PCBP3: variants seen among roughly 807,000 people sequenced by gnomAD.
PCBP3 encodes poly(rC) binding protein 3, also known as poly(rC)-binding protein 3.
Under a neutral mutation model 52.7 loss-of-function variants are expected in PCBP3, and 25 were observed. The observed-to-expected ratio is 0.47, with a 90% CI of 0.35 to 0.66. The LOEUF is 0.66. PCBP3 is among the 30% of genes least tolerant of loss of function. The probability of loss-of-function intolerance (pLI) is 0.01; values close to 1 mark genes in which losing one functional copy is unlikely to be tolerated. For synonymous variants in PCBP3, 162 were observed against 183.0 expected, an observed-to-expected ratio of 0.89 and a Z score of 0.93; for missense variants, 391 against 490.3, an observed-to-expected ratio of 0.80 and a Z score of 1.91.
Position 45,699,226 on chromosome 21 carries a change from G to A in PCBP3, c.-200+30274G>A, listed in dbSNP as rs79968263. On this transcript the variant is annotated intron_variant, in intron 2 of 17. Coordinates refer to ENST00000681687, the MANE Select transcript of PCBP3 (RefSeq NM_001384156.1). ...AGTCCCCAGCGAGGCATGGCCTAGG[G>A]CTCTCCCAAGTGACCTAGAAGCTAA... Among the ~76,000 whole-genome samples the A allele has an allele frequency of 3.2e-3, 490 of 152,276 alleles. 1 individual carries two copies. Among genetic ancestry groups the A allele is most frequent in the Non-Finnish European group, 5.4e-3 (367 of 68,018 alleles).
At chr21:45,887,660 A>G (rs1230377164) in intron 5 of PCBP3, among the ~76,000 whole-genome samples, 6 of 152,242 alleles carry the variant, frequency 3.9e-5, no homozygotes, top group Admixed American at 3.9e-4. Context: ...CAGCGTCGCC[A>G]TTCCGGGCAC....
chr21:45,674,825 C>A (rs1053159484), intron 2 of PCBP3, among the ~76,000 whole-genome samples: 3 of 152,104 alleles, frequency 2.0e-5, no homozygotes, highest in Admixed American at 6.5e-5. Flanking sequence ...GGTCTGTGAC[C>A]CATGCTGGGA....
At chr21:45,845,194 A>G (rs1175746978) in intron 4 of PCBP3, among the ~76,000 whole-genome samples, 1 of 152,202 alleles carries the variant, frequency 6.6e-6, no homozygotes, top group East Asian at 1.9e-4. Context: ...CCACCAGATG[A>G]TCTCTTACCA....
At chr21:45,835,400 A>G (rs1181727189) in intron 4 of PCBP3, among the ~76,000 whole-genome samples, 1 of 152,114 alleles carries the variant, frequency 6.6e-6, no homozygotes, top group East Asian at 1.9e-4. Flanking sequence ...CAGCAAAGCC[A>G]AGTGGCCGTA....
intron 15 of PCBP3, among the ~76,000 whole-genome samples, chr21:45,932,174 A>T: frequency 8.2e-6 from 1 of 122,296 alleles, no homozygotes; most frequent in South Asian, 2.8e-4. Flanking sequence ...TGAACACATC[A>T]GCCATGCCGT....
At chr21:45,655,491 G>A (rs1366365528) in intron 1 of PCBP3, among the ~76,000 whole-genome samples, 1 of 152,052 alleles carries the variant, frequency 6.6e-6, no homozygotes, top group African/African-American at 2.4e-5. Flanking sequence ...AGATATTGTG[G>A]TATAAATTAG....
chr21:45,820,817 G>C (rs1396430520), intron 4 of PCBP3, among the ~76,000 whole-genome samples: 1 of 152,122 alleles, frequency 6.6e-6, no homozygotes, highest in Non-Finnish European at 1.5e-5. Flanking sequence ...GGTGGGAGGC[G>C]CTTTTTCATC....
At chr21:45,875,408 C>CTGCT (rs1281780574) in intron 5 of PCBP3, among the ~76,000 whole-genome samples, 2 of 152,244 alleles carry the variant, frequency 1.3e-5, no homozygotes, top group African/African-American at 4.8e-5. Context: ...ACTCGCCTTG[C>CTGCT]TGCTGCTTTT....
chr21:45,689,058 G>A (rs1005190945), intron 2 of PCBP3, among the ~76,000 whole-genome samples: 5 of 151,702 alleles, frequency 3.3e-5, no homozygotes, highest in African/African-American at 4.8e-5. Context: ...ATGGATGAGG[G>A]AATACTGCCG....
At position 45,817,440 on chromosome 21, in the gene PCBP3, C is replaced by A. The variant is rs527627667; in HGVS notation, c.-125-32521C>A. On this transcript the variant is annotated intron_variant, in intron 4 of 17. Coordinates refer to ENST00000681687, the MANE Select transcript of PCBP3 (RefSeq NM_001384156.1). The surrounding 1 kb of genome is among the most constrained non-coding windows in gnomAD (Gnocchi z 4.3). ...TTGCGTGCACAGCATAGTATTTGGC[C>A]AACATCTTCCTGCAGTTTGGGGGCC... is the stretch of plus-strand genomic sequence containing the variant. Among the ~76,000 whole-genome samples the A allele has an allele frequency of 3.7e-4, 57 of 152,202 alleles. No individual in the cohort carries two copies. The highest frequency in any genetic ancestry group is 7.5e-4 in the Non-Finnish European group (51 of 68,036).
chr21:45,655,585 A>G (rs755528556), intron 1 of PCBP3, among the ~76,000 whole-genome samples: 2 of 152,122 alleles, frequency 1.3e-5, no homozygotes, highest in Admixed American at 6.5e-5. Flanking sequence ...AGAAATGGCT[A>G]TTTAAATCCT....
chr21:45,865,160 T>C (rs984597971), intron 5 of PCBP3, among the ~76,000 whole-genome samples: 10 of 152,242 alleles, frequency 6.6e-5, no homozygotes, highest in African/African-American at 2.2e-4. Flanking sequence ...GTCCCACTTA[T>C]TTTGATGCAG....
intron 4 of PCBP3, among the ~76,000 whole-genome samples, chr21:45,786,581 G>A (rs1039361583): frequency 6.6e-6 from 1 of 152,100 alleles, no homozygotes; most frequent in Non-Finnish European, 1.5e-5. Context: ...GTGAGGCACC[G>A]CGCCTGGTCT....
chr21:45,882,149 C>T (rs749011013), intron 5 of PCBP3, among the ~76,000 whole-genome samples: 2 of 152,210 alleles, frequency 1.3e-5, no homozygotes, highest in Non-Finnish European at 2.9e-5. Context: ...CCCATCAGCA[C>T]TGTACAAGGG....
At chr21:45,692,396 TAAAAA>T (rs148364663) in intron 2 of PCBP3, among the ~76,000 whole-genome samples, 1 of 128,612 alleles carries the variant, frequency 7.8e-6, no homozygotes, top group African/African-American at 2.9e-5. Context: ...ATGATCAAGA[TAAAAA>T]AAAAAAGAAG....
At chr21:45,792,847 C>A (rs574882569) in intron 4 of PCBP3, among the ~76,000 whole-genome samples, 1 of 152,292 alleles carries the variant, frequency 6.6e-6, no homozygotes, top group East Asian at 1.9e-4. Context: ...CCCCTCAAAC[C>A]CCCCGGCTTT....
At chr21:45,678,314 A>AG (rs1218314681) in intron 2 of PCBP3, among the ~76,000 whole-genome samples, 1 of 151,646 alleles carries the variant, frequency 6.6e-6, no homozygotes, top group East Asian at 1.9e-4. Flanking sequence ...TCAAAAAAAA[A>AG]AAAAAATAAT....
At chr21:45,864,914 CT>C (rs2094651210) in intron 5 of PCBP3, among the ~76,000 whole-genome samples, 2 of 152,146 alleles carry the variant, frequency 1.3e-5, no homozygotes, top group African/African-American at 2.4e-5. Context: ...CAAAAAGAAG[CT>C]TTTCTCTGCG....
At chr21:45,889,546 G>A (rs995468157) in intron 5 of PCBP3, among the ~76,000 whole-genome samples, 1 of 152,174 alleles carries the variant, frequency 6.6e-6, no homozygotes, top group Non-Finnish European at 1.5e-5. Context: ...CCTCCTCATG[G>A]CCAGGGCCAC....
Sources: gnomAD v4.1 joint callset for allele counts (sites outside exome capture counted in the v4.1 genomes callset) on GRCh38, gnomAD v4.1.1 for gene constraint, Gnocchi (gnomAD v3.1) non-coding constraint, MANE v1.5 for transcripts, NCBI Gene and HGNC (gene_info 2026-07-23, HGNC 2026-07-21) for gene names.